FGL2: variants seen among roughly 807,000 people sequenced by gnomAD.
The protein encoded by FGL2 is fibrinogen like 2.
FGL2 carries 21 observed loss-of-function variants against 36.0 expected under a neutral mutation model. The observed-to-expected ratio is 0.58, with a 90% CI of 0.41 to 0.84. The LOEUF is 0.84. Among genes scored for constraint, FGL2 ranks in the 40% least tolerant of loss-of-function variants. The pLI is 0.00. For synonymous variants in FGL2, 183 were observed against 190.7 expected (o/e 0.96, Z 0.33); for missense variants, 444 against 526.3 (o/e 0.84, Z 1.53).
rs1174330339 is a variant in FGL2 at position 77,196,701 on chromosome 7, G to T, written c.898C>A (p.Leu300Met). The change falls in exon 2 of 2, where the codon CTG becomes ATG. Residue 300 changes from leucine to methionine, a missense_variant. Leu to Met is a conservative substitution (Grantham distance 15). Coordinates refer to ENST00000248598, the MANE Select transcript of FGL2 (RefSeq NM_006682.3). The surrounding 1 kb of genome is among the most constrained non-coding windows in gnomAD (Gnocchi z 4.2). ...HLLTKSKEMILRIDLEDFNGV... is the reference protein window; with the variant it reads ...HLLTKSKEMIMRIDLEDFNGV... ...TTAAAGTCTTCAAGATCTATTCTCA[G>T]AATCATTTCCTTACTCTTGGTCAGA... is the stretch of plus-strand genomic sequence containing the variant. The T allele has an allele frequency of 6.2e-7, 1 of 1,614,134 alleles. No homozygotes were observed. The highest frequency in any genetic ancestry group is 8.5e-7 in the Non-Finnish European group (1 of 1,180,002).
rs1371501276 is a variant in FGL2, at chr7:77,199,175, A to G, written c.613+6T>C. 1 of 1,609,376 alleles carries G rather than the reference A, an allele frequency of 6.2e-7. No homozygotes were observed. Among genetic ancestry groups the G allele is most frequent in the Admixed American group, 1.7e-5 (1 of 59,572 alleles). On this transcript the variant is annotated splice_donor_region_variant and intron_variant, in intron 1 of 1. Transcript: ENST00000248598. ...ACATATGATAAGAAAACATTATTAT[A>G]CATACCTGGACGTGACTGTATTTGT...
At chr7:77,199,145 T>G (rs1234999105) in intron 1 of FGL2, 36 bp downstream of exon 1, 1 of 1,562,534 alleles carries the variant, frequency 6.4e-7, no homozygotes, top group Non-Finnish European at 8.7e-7. Context: ...GTATAACATT[T>G]ATGAACATAT....
In FGL2 at chr7:77,196,774, A is replaced by C; in HGVS notation, c.825T>G (p.Phe275Leu). The C allele has an allele frequency of 6.2e-7, 1 of 1,614,196 alleles. No individual in the cohort carries two copies. The highest frequency in any genetic ancestry group is 8.5e-7 in the Non-Finnish European group (1 of 1,180,032). Residue 275 changes from phenylalanine to leucine, a missense_variant, in exon 2 of 2, where the codon TTT (phenylalanine) becomes TTG (leucine). Phe to Leu is a conservative substitution (Grantham distance 22). Coordinates refer to ENST00000248598, the MANE Select transcript of FGL2 (RefSeq NM_006682.3). This position sits in a 1 kb window ranked among gnomAD's most constrained non-coding sequence, Gnocchi z 4.2. ...TRTWQDYKAGFGNLRREFWLG... is the reference protein window; with the variant it reads ...TRTWQDYKAGLGNLRREFWLG... ...GCCAAAATTCCCTTCTGAGGTTTCC[A>C]AAGCCTGCTTTGTAGTCTTGCCATG...
chr7:77,198,518 GTTCTAC>G (rs1293480925), intron 1 of FGL2: 2 of 155,334 alleles, frequency 1.3e-5, no homozygotes, highest in African/African-American at 4.8e-5. Flanking sequence ...GTGAGGATGG[GTTCTAC>G]TTCTATCTGC....
Position 77,196,796 on chromosome 7 carries a change from C to T in FGL2, c.803G>A (p.Trp268Ter), listed in dbSNP as rs1200773131. 1 of 1,614,072 alleles carries T rather than the reference C, an allele frequency of 6.2e-7. No homozygotes were observed. Among genetic ancestry groups the T allele is most frequent in the Non-Finnish European group, 8.5e-7 (1 of 1,180,002 alleles). The change falls in exon 2 of 2, where the codon TGG becomes TAG. Residue 268 changes from tryptophan to a stop codon, truncating the protein, a stop_gained. Transcript: ENST00000248598. LOFTEE classifies it high-confidence loss of function. The surrounding 1 kb of genome is among the most constrained non-coding windows in gnomAD (Gnocchi z 4.2). ...LDGSTNFTRT[W>*]QDYKAGFGNL... ...TCCAAAGCCTGCTTTGTAGTCTTGC[C>T]ATGTTCTGGTGAAGTTGGTGCTCCC...
At position 77,195,281 on chromosome 7, in the gene FGL2, C is replaced by T. The variant is rs558448047; in HGVS notation, c.*998G>A. 22 of 150,166 alleles carry T rather than the reference C, an allele frequency of 1.5e-4. No individual in the cohort carries two copies. The highest frequency in any genetic ancestry group is 5.1e-4 in the African/African-American group (21 of 41,014). The allele number at this position is 150,166 out of a possible 1,614,324, so 9.3% of individuals were successfully genotyped here. A position where few individuals can be genotyped will look rare whatever the true frequency, so the allele number is the denominator to read the frequency against. On this transcript the variant is annotated 3_prime_UTR_variant, in exon 2 of 2. Transcript: ENST00000248598. The stretch of plus-strand genomic sequence containing the variant: ...ATTTTCATGTTAAAGCAGTTTTCAA[C>T]ATCAAACATCTAAGGAGTTATAAAC...
rs951828188 is a variant in FGL2, at chr7:77,194,365, C to T, written c.*1914G>A. ...TTAAAAAGTAAAAAGTAAAAAACAA[C>T]GTCAGTTACATCATTTACATTTGGT... On this transcript the variant is annotated 3_prime_UTR_variant, in exon 2 of 2. Coordinates refer to ENST00000248598, the MANE Select transcript of FGL2 (RefSeq NM_006682.3). 12 of 151,880 alleles carry T rather than the reference C, an allele frequency of 7.9e-5. No homozygotes were observed. The highest frequency in any genetic ancestry group is 1.7e-4 in the African/African-American group (7 of 41,382). 9.4% of individuals were successfully genotyped at this position (151,880 alleles called of 1,614,324 possible).
Position 77,196,822 on chromosome 7 carries a change from A to C in FGL2, c.777T>G (p.Asp259Glu). 6.2e-7 allele frequency: 1 copy of C among 1,614,074 alleles called. No individual in the cohort carries two copies. The highest frequency in any genetic ancestry group is 8.5e-7 in the Non-Finnish European group (1 of 1,180,014). The change falls in exon 2 of 2, where the codon GAT (aspartate) becomes GAG (glutamate). Residue 259 changes from aspartate (D) to glutamate (E), a missense_variant. By Grantham distance (45) the Asp-to-Glu change is conservative. Transcript: ENST00000248598. The surrounding 1 kb of genome is among the most constrained non-coding windows in gnomAD (Gnocchi z 4.2). The stretch of plus-strand genomic sequence containing the variant: ...ATGTTCTGGTGAAGTTGGTGCTCCC[A>C]TCGAGACGTGCCTGCAGCACTGTCC... Reference protein sequence around the residue: ...GGWTVLQARLDGSTNFTRTWQ... With the variant: ...GGWTVLQARLEGSTNFTRTWQ...
In FGL2 at chr7:77,196,848, A is replaced by G. The variant is rs1213329886; in HGVS notation, c.751T>C (p.Trp251Arg). 6.2e-7 allele frequency: 1 copy of G among 1,613,560 alleles called. No homozygotes were observed. Among genetic ancestry groups the G allele is most frequent in the Non-Finnish European group, 8.5e-7 (1 of 1,179,958 alleles). Reference sequence around the variant, plus strand: ...TCGAGACGTGCCTGCAGCACTGTCCAGCCTCCCCCCATGGTCTCCATGTCA... The same window carrying G: ...TCGAGACGTGCCTGCAGCACTGTCCGGCCTCCCCCCATGGTCTCCATGTCA... ...YCDMETMGGG[W>R]TVLQARLDGS... The change falls in exon 2 of 2, where the codon TGG (tryptophan) becomes CGG (arginine). Residue 251 changes from tryptophan to arginine, a missense_variant. By Grantham distance (101) the Trp-to-Arg change is moderately radical. Coordinates refer to ENST00000248598, the MANE Select transcript of FGL2 (RefSeq NM_006682.3). This position sits in a 1 kb window ranked among gnomAD's most constrained non-coding sequence, Gnocchi z 4.2.
chr7:77,196,198 G>A lies in FGL2; in HGVS notation c.*81C>T. 1.0e-6 allele frequency: 1 copy of A among 1,000,136 alleles called. No homozygotes were observed. The highest frequency in any genetic ancestry group is 1.5e-6 in the Non-Finnish European group (1 of 684,722). The allele number at this position is 1,000,136 out of a possible 1,614,324, so 62.0% of individuals were successfully genotyped here. A position where few individuals can be genotyped will look rare whatever the true frequency, so the allele number is the denominator to read the frequency against. On this transcript the variant is annotated 3_prime_UTR_variant, in exon 2 of 2. Coordinates refer to ENST00000248598, the MANE Select transcript of FGL2 (RefSeq NM_006682.3). This position sits in a 1 kb window ranked among gnomAD's most constrained non-coding sequence, Gnocchi z 4.2. ...ATCATTTTTTAGCTATGAAAAATAT[G>A]AAACAAGGCATATTCTAAAGTGCTG...
chr7:77,199,483 T>C lies in FGL2; in HGVS notation c.311A>G (p.Asp104Gly). 6.2e-7 allele frequency: 1 copy of C among 1,614,150 alleles called. No homozygotes were observed. ...GTTTCTGCCTGGGTCTCCGTTGTCA[T>C]CAGCCTGCAGCTTGCAGTCTTGGCA... ...KSCQDCKLQA[D>G]DNGDPGRNGL... The change falls in exon 1 of 2, where the codon GAT becomes GGT. Residue 104 changes from aspartate (D) to glycine (G), a missense_variant. Transcript: ENST00000248598.
At chr7:77,198,311 G>A (rs1040654188) in intron 1 of FGL2, 11 of 985,222 alleles carry the variant, frequency 1.1e-5, no homozygotes, top group African/African-American at 1.0e-4. Flanking sequence ...TCAACCTCAC[G>A]TTCATGGTAA....
chr7:77,199,023 C>A, intron 1 of FGL2, 158 bp downstream of exon 1: 1 of 649,564 alleles, frequency 1.5e-6, no homozygotes, highest in South Asian at 2.0e-5. Flanking sequence ...TTTATGTGGT[C>A]ATATTTGAGA....
At position 77,196,015 on chromosome 7, in the gene FGL2, A is replaced by T; in HGVS notation, c.*264T>A. On this transcript the variant is annotated 3_prime_UTR_variant, in exon 2 of 2. Coordinates refer to ENST00000248598, the MANE Select transcript of FGL2 (RefSeq NM_006682.3). The surrounding 1 kb of genome is among the most constrained non-coding windows in gnomAD (Gnocchi z 4.2). ...AGCAATAGAAAAAGTTTCAATAGAA[A>T]TTAAAAGAATTGTAAATCTAATGTA... 1 of 381,816 alleles carries T rather than the reference A, an allele frequency of 2.6e-6. No individual in the cohort carries two copies. 23.7% of individuals were successfully genotyped at this position (381,816 alleles called of 1,614,324 possible).
intron 1 of FGL2, chr7:77,198,269 C>T (rs1791913665): frequency 2.0e-6 from 2 of 985,286 alleles, no homozygotes; most frequent in Non-Finnish European, 2.4e-6. Flanking sequence ...GAGATACTGT[C>T]TCTAAATGAA....
Position 77,196,760 on chromosome 7 carries a change from C to T in FGL2, c.839G>A (p.Arg280Lys), listed in dbSNP as rs1562829741. The change falls in exon 2 of 2, where the codon AGG becomes AAG. Residue 280 changes from arginine (R) to lysine (K), a missense_variant. By Grantham distance (26) the Arg-to-Lys change is conservative. Coordinates refer to ENST00000248598, the MANE Select transcript of FGL2 (RefSeq NM_006682.3). This position sits in a 1 kb window ranked among gnomAD's most constrained non-coding sequence, Gnocchi z 4.2. Reference protein sequence around the residue: ...DYKAGFGNLRREFWLGNDKIH... With the variant: ...DYKAGFGNLRKEFWLGNDKIH... Reference sequence around the variant, plus strand: ...TTTATCGTTCCCCAGCCAAAATTCCCTTCTGAGGTTTCCAAAGCCTGCTTT... The same window carrying T: ...TTTATCGTTCCCCAGCCAAAATTCCTTTCTGAGGTTTCCAAAGCCTGCTTT... 1.9e-5 allele frequency: 31 copies of T among 1,614,096 alleles called. No individual in the cohort carries two copies. The highest frequency in any genetic ancestry group is 2.5e-5 in the Non-Finnish European group (29 of 1,180,010).
At position 77,194,797 on chromosome 7, in the gene FGL2, A is replaced by G. The variant is rs1233739070; in HGVS notation, c.*1482T>C. 1 of 152,168 alleles carries G rather than the reference A, an allele frequency of 6.6e-6. No homozygotes were observed. The highest frequency in any genetic ancestry group is 1.5e-5 in the Non-Finnish European group (1 of 67,982). 9.4% of individuals were successfully genotyped at this position (152,168 alleles called of 1,614,324 possible). A position where few individuals can be genotyped will look rare whatever the true frequency, so the allele number is the denominator to read the frequency against. ...GAGCATTTTTAAAAATACGCAGAAT[A>G]CTGCTGTTCTCTCTGAGATGATCCC... is the stretch of plus-strand genomic sequence containing the variant. On this transcript the variant is annotated 3_prime_UTR_variant, in exon 2 of 2. Transcript: ENST00000248598.
chr7:77,196,795 C>G lies in FGL2; in HGVS notation c.804G>C (p.Trp268Cys). 2 of 1,614,176 alleles carry G rather than the reference C, an allele frequency of 1.2e-6. No individual in the cohort carries two copies. Among genetic ancestry groups the G allele is most frequent in the Non-Finnish European group, 1.7e-6 (2 of 1,180,016 alleles). The change falls in exon 2 of 2, where the codon TGG becomes TGC. Residue 268 changes from tryptophan to cysteine, a missense_variant. Physicochemically the swap from Trp to Cys is radical, Grantham distance 215. Transcript: ENST00000248598. This position sits in a 1 kb window ranked among gnomAD's most constrained non-coding sequence, Gnocchi z 4.2. ...LDGSTNFTRT[W>C]QDYKAGFGNL... ...TTCCAAAGCCTGCTTTGTAGTCTTG[C>G]CATGTTCTGGTGAAGTTGGTGCTCC...
In FGL2 at chr7:77,196,247, T is replaced by C. The variant is rs373117921; in HGVS notation, c.*32A>G. On this transcript the variant is annotated 3_prime_UTR_variant, in exon 2 of 2. Transcript: ENST00000248598. The surrounding 1 kb of genome is among the most constrained non-coding windows in gnomAD (Gnocchi z 4.2). ...TGAAGGAATTAATTGCCCTATTAGATAACGAATACCTGGAGGAATGAACAG... is the reference window on the plus strand; with the variant it reads ...TGAAGGAATTAATTGCCCTATTAGACAACGAATACCTGGAGGAATGAACAG... 29 of 1,511,258 alleles carry C rather than the reference T, an allele frequency of 1.9e-5. No homozygotes were observed. The African/African-American group carries it at 3.7e-4, about 19-fold the overall frequency. The allele number at this position is 1,511,258 out of a possible 1,614,324, so 93.6% of individuals were successfully genotyped here.
Sources: allele counts gnomAD v4.1 joint callset, GRCh38; gene constraint gnomAD v4.1.1; non-coding constraint Gnocchi (gnomAD v3.1); transcripts MANE v1.5; gene names NCBI Gene and HGNC (gene_info 2026-07-23, HGNC 2026-07-21).